Variants in CCNG2 observed in about 807,000 individuals in gnomAD.
CCNG2 encodes cyclin G2.
A neutral mutation model predicts 36.5 loss-of-function variants in CCNG2; 20 were observed. The ratio of observed to expected loss-of-function variants is 0.55; its 90% CI spans 0.39 to 0.80. CCNG2 has a LOEUF of 0.80. CCNG2 is among the 30% of genes least tolerant of loss of function. The probability of loss-of-function intolerance (pLI) is 0.00; values close to 1 mark genes in which losing one functional copy is unlikely to be tolerated. For synonymous variants in CCNG2, 155 were observed against 140.1 expected (o/e 1.11, Z -0.75); for missense variants, 358 against 390.8 (o/e 0.92, Z 0.71).
intron 3 of CCNG2, among the ~76,000 whole-genome samples, chr4:77,159,755 C>G (rs534803633): frequency 1.7e-4 from 26 of 152,276 alleles, no homozygotes; most frequent in Non-Finnish European, 2.2e-4. Context: ...AAAAGAGAGA[C>G]TACTATTTTT....
In CCNG2 at chr4:77,160,834, G is replaced by T; in HGVS notation, c.390G>T (p.Gln130His). The T allele has an allele frequency of 6.2e-7, 1 of 1,614,060 alleles. No homozygotes were observed. The highest frequency in any genetic ancestry group is 8.5e-7 in the Non-Finnish European group (1 of 1,180,004). The change falls in exon 4 of 8, where the codon CAG becomes CAT. Residue 130 changes from glutamine to histidine, a missense_variant. By Grantham distance (24) the Gln-to-His change is conservative. Coordinates refer to ENST00000316355, the MANE Select transcript of CCNG2 (RefSeq NM_004354.3). ...PSTHDVIRIS[Q>H]CKCTASDIKR... is the part of the protein sequence containing the mutation. ...CTCATGATGTGATCCGGATTAGTCA[G>T]TGTAAATGTACTGCTTCTGACATAA... is the stretch of plus-strand genomic sequence containing the variant.
Position 77,158,569 on chromosome 4 carries a change from G to A in CCNG2, c.37G>A (p.Glu13Lys), listed in dbSNP as rs745588311. The A allele has an allele frequency of 1.9e-6, 3 of 1,614,188 alleles. No homozygotes were observed. The South Asian group carries it at 3.3e-5, about 18-fold the overall frequency. ...DLGAEHLAGH[E>K]GVQLLGLLNV... ...GGGGGCAGAGCACTTGGCAGGTCAT[G>A]AAGGGGTCCAACTTCTCGGGTTGTT... is the stretch of plus-strand genomic sequence containing the variant. The change falls in exon 2 of 8, where the codon GAA becomes AAA. Residue 13 changes from glutamate (E) to lysine (K), a missense_variant. Coordinates refer to ENST00000316355, the MANE Select transcript of CCNG2 (RefSeq NM_004354.3).
intron 6 of CCNG2, 129 bp from the exon 7 acceptor site, chr4:77,164,145 A>G (rs927237718): frequency 9.5e-6 from 6 of 632,150 alleles, no homozygotes; most frequent in Non-Finnish European, 1.4e-5. Flanking sequence ...TCAGAATACC[A>G]GGGGTGGAAG....
Position 77,160,533 on chromosome 4 carries a change from G to A in CCNG2, c.277-188G>A, listed in dbSNP as rs1422539502. Reference sequence around the variant, plus strand: ...CTGTTCCCTGCTGCCTTTTTTTTTGGGGGGGGGGGGAGGTCGAGAACGTCT... The same window carrying A: ...CTGTTCCCTGCTGCCTTTTTTTTTGAGGGGGGGGGGAGGTCGAGAACGTCT... On this transcript the variant is annotated intron_variant, in intron 3 of 7. Transcript: ENST00000316355. Among the ~76,000 whole-genome samples the A allele has an allele frequency of 7.8e-6, 1 of 128,376 alleles. No individual in the cohort carries two copies. The highest frequency in any genetic ancestry group is 2.5e-4 in the East Asian group (1 of 3,984). The allele number at this position is 128,376 out of a possible 152,430, so 84.2% of individuals were successfully genotyped here. A position where few individuals can be genotyped will look rare whatever the true frequency, so the allele number is the denominator to read the frequency against.
chr4:77,160,946 A>G lies in CCNG2; in HGVS notation c.502A>G (p.Ile168Val), dbSNP rs985719287. 6.2e-7 allele frequency: 1 copy of G among 1,604,694 alleles called. No homozygotes were observed. The highest frequency in any genetic ancestry group is 1.7e-5 in the Admixed American group (1 of 59,960). Residue 168 changes from isoleucine to valine, a missense_variant, in exon 4 of 8, where the codon ATT becomes GTT. Physicochemically the swap from Ile to Val is conservative, Grantham distance 29. Transcript: ENST00000316355. ...ALNFLHLYHT[I>V]ILCHTSERKE... Reference sequence around the variant, plus strand: ...AAACTTTTTGCACTTATACCATACTATTATACTTTGTCATACTTCAGAAAG... The same window carrying G: ...AAACTTTTTGCACTTATACCATACTGTTATACTTTGTCATACTTCAGAAAG...
Position 77,159,452 on chromosome 4 carries a change from A to T in CCNG2, c.224A>T (p.Glu75Val). The change falls in exon 3 of 8, where the codon GAA becomes GTA. Residue 75 changes from glutamate (E) to valine (V), a missense_variant. Transcript: ENST00000316355. Reference sequence around the variant, plus strand: ...GCCAACTTTTTTGGATCTTGCACTGAAACTTTTGTCCTGGCTGTCAATATT... The same window carrying T: ...GCCAACTTTTTTGGATCTTGCACTGTAACTTTTGTCCTGGCTGTCAATATT... Reference protein sequence around the residue: ...SLANFFGSCTETFVLAVNILD... With the variant: ...SLANFFGSCTVTFVLAVNILD... The T allele has an allele frequency of 6.2e-7, 1 of 1,614,024 alleles. No homozygotes were observed. The highest frequency in any genetic ancestry group is 8.5e-7 in the Non-Finnish European group (1 of 1,179,972).
chr4:77,165,886 A>T lies in CCNG2; in HGVS notation c.997A>T (p.Asn333Tyr), dbSNP rs1386339116. 1 of 1,611,498 alleles carries T rather than the reference A, an allele frequency of 6.2e-7. No homozygotes were observed. Among genetic ancestry groups the T allele is most frequent in the African/African-American group, 1.3e-5 (1 of 74,792 alleles). ...PSDQECTFFFNFKVAQTLCFP... is the reference protein window; with the variant it reads ...PSDQECTFFFYFKVAQTLCFP... The stretch of plus-strand genomic sequence containing the variant: ...TGATCAAGAGTGCACCTTCTTTTTC[A>T]ACTTCAAAGTGGCACAAACACTGTG... The change falls in exon 8 of 8, where the codon AAC becomes TAC. Residue 333 changes from asparagine to tyrosine, a missense_variant. Transcript: ENST00000316355.
intron 4 of CCNG2, 128 bp downstream of exon 4, chr4:77,161,099 C>CTTTTTTTTTTTTTTTTT (rs34505988): frequency 7.3e-6 from 2 of 274,580 alleles, no homozygotes; most frequent in African/African-American, 3.2e-5. Flanking sequence ...ATTGGTAAAT[C>CTTTTTTTTTTTTTTTTT]TTTTTTTTTT....
Position 77,166,741 on chromosome 4 carries a change from C to T in CCNG2, c.*817C>T, listed in dbSNP as rs1025936619. The T allele has an allele frequency of 1.3e-5, 2 of 152,080 alleles. No individual in the cohort carries two copies. The highest frequency in any genetic ancestry group is 1.5e-5 in the Non-Finnish European group (1 of 67,988). The allele number at this position is 152,080 out of a possible 1,614,324, so 9.4% of individuals were successfully genotyped here. A position where few individuals can be genotyped will look rare whatever the true frequency, so the allele number is the denominator to read the frequency against. On this transcript the variant is annotated 3_prime_UTR_variant, in exon 8 of 8. Coordinates refer to ENST00000316355, the MANE Select transcript of CCNG2 (RefSeq NM_004354.3). ...GTTGATCTGGTGTAGTATATTTTAT[C>T]GCATTTTCTTATATTAAAAAATGTC...
chr4:77,167,807 C>G lies in CCNG2; in HGVS notation c.*1883C>G, dbSNP rs976430611. On this transcript the variant is annotated 3_prime_UTR_variant, in exon 8 of 8. Coordinates refer to ENST00000316355, the MANE Select transcript of CCNG2 (RefSeq NM_004354.3). Reference sequence around the variant, plus strand: ...GATAGGGGTATGTTTTCCTACCCTTCTAGTGGAGAATCCTACTTGAGGATG... The same window carrying G: ...GATAGGGGTATGTTTTCCTACCCTTGTAGTGGAGAATCCTACTTGAGGATG... The G allele has an allele frequency of 6.6e-6, 1 of 152,156 alleles. No homozygotes were observed. Among genetic ancestry groups the G allele is most frequent in the Non-Finnish European group, 1.5e-5 (1 of 68,022 alleles). The allele number at this position is 152,156 out of a possible 1,614,324, so 9.4% of individuals were successfully genotyped here.
chr4:77,160,155 A>G (rs1447152219), intron 3 of CCNG2, among the ~76,000 whole-genome samples: 2 of 151,638 alleles, frequency 1.3e-5, no homozygotes, highest in East Asian at 3.9e-4. Context: ...TTTTTATGTA[A>G]AAAGATAAGT....
At chr4:77,165,751 G>A (rs754489986) in intron 7 of CCNG2, 50 bp from the exon 8 acceptor site, 1 of 1,423,834 alleles carries the variant, frequency 7.0e-7, no homozygotes, top group South Asian at 1.5e-5. Flanking sequence ...AAACATTTAA[G>A]TGTGTTTTAA....
Position 77,164,444 on chromosome 4 carries a change from G to C in CCNG2, c.876G>C (p.Thr292=). The C allele has an allele frequency of 6.2e-7, 1 of 1,614,026 alleles. No individual in the cohort carries two copies. Among genetic ancestry groups the C allele is most frequent in the South Asian group, 1.1e-5 (1 of 91,072 alleles). The part of the protein sequence containing the change: ...NSYYSVPELP[T]IPEGGCFDES... ...ACTATAGTGTTCCTGAGCTGCCAAC[G>C]ATACCTGAGGGGGGTTGTTTTGATG... The change falls in exon 7 of 8, where the codon ACG becomes ACC. Residue 292 remains threonine, a synonymous_variant. Coordinates refer to ENST00000316355, the MANE Select transcript of CCNG2 (RefSeq NM_004354.3).
At chr4:77,157,572 G>A (rs1199955336) in intron 1 of CCNG2, 66 bp downstream of exon 1, 2 of 152,696 alleles carry the variant, frequency 1.3e-5, no homozygotes, top group African/African-American at 4.8e-5. Flanking sequence ...GGGCTTTGAG[G>A]AGGTTGGTAC....
At chr4:77,163,440 T>C (rs1013908189) in intron 6 of CCNG2, among the ~76,000 whole-genome samples, 6 of 152,078 alleles carry the variant, frequency 3.9e-5, no homozygotes, top group African/African-American at 1.4e-4. Context: ...AGATTACAAG[T>C]GGGTTAGGAT....
chr4:77,158,755 A>G (rs1731344635), intron 2 of CCNG2, 85 bp downstream of exon 2: 4 of 1,395,572 alleles, frequency 2.9e-6, no homozygotes, highest in East Asian at 2.4e-5. Flanking sequence ...AATCATGACT[A>G]AAGCCTGCAA....
rs1472484148 is a variant in CCNG2, at chr4:77,157,468, C to T, written c.-39C>T. 1 of 152,308 alleles carries T rather than the reference C, an allele frequency of 6.6e-6. No homozygotes were observed. The highest frequency in any genetic ancestry group is 2.4e-5 in the African/African-American group (1 of 41,428). The allele number at this position is 152,308 out of a possible 1,614,324, so 9.4% of individuals were successfully genotyped here. ...CCCGCTGCGCCCAGTCCGTGCGGAC[C>T]GCGAGGCCGCGGGCGGGTGGAGGCG... On this transcript the variant is annotated 5_prime_UTR_variant, in exon 1 of 8. Transcript: ENST00000316355.
At chr4:77,163,015 A>G (rs1731528569) in intron 6 of CCNG2, among the ~76,000 whole-genome samples, 1 of 152,070 alleles carries the variant, frequency 6.6e-6, no homozygotes, top group Admixed American at 6.5e-5. Context: ...GAAATTTGGG[A>G]GAAGTTAATT....
In CCNG2 at chr4:77,168,271, T is replaced by G. The variant is rs4150107; in HGVS notation, c.*2347T>G. On this transcript the variant is annotated 3_prime_UTR_variant, in exon 8 of 8. Coordinates refer to ENST00000316355, the MANE Select transcript of CCNG2 (RefSeq NM_004354.3). ...TTTGTATGATTTCGTTTACACTGTT[T>G]ATATCTCTCTGTCCCCCCTTTTTCT... 2 of 152,260 alleles carry G rather than the reference T, an allele frequency of 1.3e-5. No individual in the cohort carries two copies. The highest frequency in any genetic ancestry group is 6.5e-5 in the Admixed American group (1 of 15,280). The allele number at this position is 152,260 out of a possible 1,614,324, so 9.4% of individuals were successfully genotyped here.
Sources: gnomAD v4.1 joint callset for allele counts (sites outside exome capture counted in the v4.1 genomes callset) on GRCh38, gnomAD v4.1.1 for gene constraint, MANE v1.5 for transcripts, NCBI Gene and HGNC (gene_info 2026-07-23, HGNC 2026-07-21) for gene names.